Variants in PPP4R3B observed in about 807,000 individuals in gnomAD.
PPP4R3B encodes protein phosphatase 4 regulatory subunit 3B.
In PPP4R3B, 52 loss-of-function variants were observed where a neutral mutation model predicts 95.4. The observed-to-expected ratio is 0.54, with a 90% CI of 0.44 to 0.69. The LOEUF (loss-of-function observed/expected upper bound fraction) is 0.69, where lower values mean the gene tolerates loss of function less well. Among genes scored for constraint, PPP4R3B ranks in the 30% least tolerant of loss-of-function variants. The pLI is 0.00. For missense variants in PPP4R3B, 1,003 were observed against 1,005.9 expected (o/e 1.00, Z 0.04); for synonymous variants, 407 against 343.9 (o/e 1.18, Z -2.03).
chr2:55,601,893 G>A (rs1047319280), intron 3 of PPP4R3B, among the ~76,000 whole-genome samples: 2 of 152,096 alleles, frequency 1.3e-5, no homozygotes, highest in African/African-American at 2.4e-5. Flanking sequence ...ATGTAATGCT[G>A]ATAGAAAAAC....
intron 4 of PPP4R3B, among the ~76,000 whole-genome samples, chr2:55,597,894 T>C (rs1161435855): frequency 6.6e-6 from 1 of 152,156 alleles, no homozygotes; most frequent in Non-Finnish European, 1.5e-5. Flanking sequence ...CTAAATTGTA[T>C]AAAAAGCTAA....
intron 5 of PPP4R3B, among the ~76,000 whole-genome samples, 153 bp from the exon 6 acceptor site, chr2:55,586,887 A>T (rs1251679494): frequency 1.3e-5 from 2 of 152,234 alleles, no homozygotes; most frequent in Non-Finnish European, 2.9e-5. Context: ...AAACAAATTA[A>T]AAACTAGCAC....
intron 11 of PPP4R3B, among the ~76,000 whole-genome samples, 194 bp downstream of exon 11, chr2:55,577,121 G>A (rs753344878): frequency 1.3e-5 from 2 of 152,040 alleles, no homozygotes; most frequent in Non-Finnish European, 2.9e-5. Context: ...AAATTTTCAG[G>A]GAAAAACAAC....
chr2:55,615,661 C>G (rs902763165), intron 1 of PPP4R3B, among the ~76,000 whole-genome samples, 155 bp from the exon 2 acceptor site: 1 of 151,938 alleles, frequency 6.6e-6, no homozygotes, highest in African/African-American at 2.4e-5. Context: ...CCAGACCATT[C>G]CAGCCAACAT....
At chr2:55,592,688 C>T (rs1691201777) in intron 4 of PPP4R3B, among the ~76,000 whole-genome samples, 2 of 152,018 alleles carry the variant, frequency 1.3e-5, no homozygotes, top group South Asian at 4.1e-4. Flanking sequence ...TAACTCTTAC[C>T]TATGGAATAG....
chr2:55,576,244 G>A (rs1423486903), intron 11 of PPP4R3B, among the ~76,000 whole-genome samples: 2 of 152,216 alleles, frequency 1.3e-5, no homozygotes, highest in African/African-American at 4.8e-5. Context: ...AGCTACTTGG[G>A]AGGCTGAGGC....
intron 15 of PPP4R3B, 101 bp from the exon 16 acceptor site, chr2:55,559,069 C>T (rs769191468): frequency 2.5e-5 from 23 of 933,916 alleles, no homozygotes; most frequent in Middle Eastern, 3.5e-4. Flanking sequence ...CATTGCTGCC[C>T]GGGCATGGTG....
intron 16 of PPP4R3B, among the ~76,000 whole-genome samples, chr2:55,554,203 C>T (rs1352784830): frequency 1.3e-5 from 2 of 152,138 alleles, no homozygotes; most frequent in Non-Finnish European, 2.9e-5. Context: ...TAGCTGGGAC[C>T]ACAGGCATGT....
chr2:55,595,234 G>C (rs1284122465), intron 4 of PPP4R3B, among the ~76,000 whole-genome samples: 3 of 151,766 alleles, frequency 2.0e-5, no homozygotes, highest in Non-Finnish European at 4.4e-5. Context: ...ATGTTGGTCA[G>C]GCTGGTCTCA....
At chr2:55,617,098 C>T in intron 1 of PPP4R3B, 46 bp downstream of exon 1, 1 of 1,548,936 alleles carries the variant, frequency 6.5e-7, no homozygotes, top group Middle Eastern at 1.7e-4. Context: ...AAGCTGTGCC[C>T]CAACCAGAGG....
At chr2:55,559,815 T>C (rs934972478) in intron 15 of PPP4R3B, among the ~76,000 whole-genome samples, 1 of 152,192 alleles carries the variant, frequency 6.6e-6, no homozygotes, top group African/African-American at 2.4e-5. Context: ...AGGAATGTGG[T>C]ACTGCTATAA....
In PPP4R3B at chr2:55,604,021, T is replaced by C. The variant is rs764027153; in HGVS notation, c.254A>G (p.Gln85Arg). ...GATCTCATCACAGCCAGCTTTCTCCTGAAAACTCAGAGCCAAATCATAGTT... is the reference window on the plus strand; with the variant it reads ...GATCTCATCACAGCCAGCTTTCTCCCGAAAACTCAGAGCCAAATCATAGTT... Reference protein sequence around the residue: ...AENYDLALSFQEKAGCDEIWE... With the variant: ...AENYDLALSFREKAGCDEIWE... The change falls in exon 3 of 17, where the codon CAG (glutamine) becomes CGG (arginine). Residue 85 changes from glutamine to arginine, a missense_variant. By Grantham distance (43) the Gln-to-Arg change is conservative. Transcript: ENST00000616407. 1.2e-6 allele frequency: 2 copies of C among 1,611,112 alleles called. No homozygotes were observed. Among genetic ancestry groups the C allele is most frequent in the East Asian group, 2.2e-5 (1 of 44,746 alleles).
rs1693069075 is a variant in PPP4R3B at position 55,604,206 on chromosome 2, T to C, written c.199-130A>G. ...CCCCGATATGAGTAATCAATGTATA[T>C]CTGATTGGCATTATTAGTAATATAT... On this transcript the variant is annotated intron_variant, in intron 2 of 16. Transcript: ENST00000616407. The C allele has an allele frequency of 5.8e-6, 3 of 520,616 alleles. No individual in the cohort carries two copies. The Admixed American group carries it at 1.2e-4, about 20-fold the overall frequency. The allele number at this position is 520,616 out of a possible 1,614,324, so 32.2% of individuals were successfully genotyped here.
intron 2 of PPP4R3B, among the ~76,000 whole-genome samples, chr2:55,606,754 T>G (rs1305235999): frequency 7.2e-6 from 1 of 137,976 alleles, no homozygotes; most frequent in Non-Finnish European, 1.5e-5. Context: ...ACCCGGGAGG[T>G]GGAGATTTCA....
Position 55,572,208 on chromosome 2 carries a change from T to A in PPP4R3B, c.1765+1411A>T, listed in dbSNP as rs78201390. 1.4e-4 allele frequency among the ~76,000 whole-genome samples: 18 copies of A among 127,486 alleles called. No individual in the cohort carries two copies. In the East Asian group the frequency reaches 3.5e-3, roughly 25 times the overall value. 83.6% of individuals were successfully genotyped at this position (127,486 alleles called of 152,430 possible). A position where few individuals can be genotyped will look rare whatever the true frequency, so the allele number is the denominator to read the frequency against. ...TTAGAAGAAAGTGAGAATATCTGCA[T>A]AATCTTAGGACATAAGACTTTCCTA... On this transcript the variant is annotated intron_variant, in intron 12 of 16. Coordinates refer to ENST00000616407, the MANE Select transcript of PPP4R3B (RefSeq NM_001122964.3).
intron 15 of PPP4R3B, among the ~76,000 whole-genome samples, chr2:55,559,474 G>A (rs548445874): frequency 2.0e-4 from 31 of 152,218 alleles, no homozygotes; most frequent in Non-Finnish European, 3.7e-4. Context: ...CACCCAAATC[G>A]CAAATCAAAT....
intron 16 of PPP4R3B, among the ~76,000 whole-genome samples, chr2:55,555,365 A>AT (rs973326311): frequency 4.0e-5 from 6 of 149,912 alleles, no homozygotes; most frequent in East Asian, 1.9e-4. Context: ...AATCTGCCTT[A>AT]TTTTTTTTTA....
rs772078740 is a variant in PPP4R3B at position 55,577,331 on chromosome 2, G to C, written c.1590C>G (p.Asn530Lys). The C allele has an allele frequency of 7.1e-6, 11 of 1,545,354 alleles. No homozygotes were observed. The highest frequency in any genetic ancestry group is 7.8e-6 in the Non-Finnish European group (9 of 1,152,390). Residue 530 changes from asparagine (N) to lysine (K), a missense_variant, in exon 11 of 17, where the codon AAC becomes AAG. Asn to Lys is a moderately conservative substitution (Grantham distance 94, BLOSUM62 0). This residue lies in a region of PPP4R3B where 695 missense variants were observed against 686.2 expected (regional missense o/e 1.01). Transcript: ENST00000616407. ...CATACTTACCGGGACAAATTGTGTTGTTTTTGTTTGATCCAACTATATTAT... is the reference window on the plus strand; with the variant it reads ...CATACTTACCGGGACAAATTGTGTTCTTTTTGTTTGATCCAACTATATTAT... ...SQDNIVGSNK[N>K]NTICPDNYQT...
At chr2:55,610,220 T>C (rs1426981176) in intron 2 of PPP4R3B, among the ~76,000 whole-genome samples, 1 of 152,220 alleles carries the variant, frequency 6.6e-6, no homozygotes, top group African/African-American at 2.4e-5. Context: ...GAATAGACTT[T>C]CATTTTTTGT....
Sources: gnomAD v4.1 joint callset for allele counts (sites outside exome capture counted in the v4.1 genomes callset) on GRCh38, gnomAD v4.1.1 for gene constraint, gnomAD v4.1.1 regional missense constraint, MANE v1.5 for transcripts, NCBI Gene and HGNC (gene_info 2026-07-23, HGNC 2026-07-21) for gene names.